Variants in METTL15 observed in about 807,000 individuals in gnomAD.
The protein encoded by METTL15 is methyltransferase 15, mitochondrial 12S rRNA N4-cytidine, also known as 12S rRNA N(4)-cytidine methyltransferase METTL15.
Under a neutral mutation model 38.3 loss-of-function variants are expected in METTL15, and 34 were observed. That is an observed-to-expected ratio of 0.89 (90% confidence interval 0.68 to 1.18). METTL15 has a LOEUF of 1.18. Among genes scored for constraint, METTL15 ranks in the 50% most tolerant of loss-of-function variants. The probability of loss-of-function intolerance (pLI) is 0.00; values close to 1 mark genes in which losing one functional copy is unlikely to be tolerated. For synonymous variants in METTL15, 162 were observed against 170.9 expected (o/e 0.95, Z 0.41); for missense variants, 438 against 498.4 (o/e 0.88, Z 1.15).
intron 6 of METTL15, among the ~76,000 whole-genome samples, chr11:28,426,016 ATGGTGGTTT>A (rs2133425057): frequency 6.6e-6 from 1 of 152,250 alleles, no homozygotes; most frequent in East Asian, 1.9e-4. Flanking sequence ...AATGTGTGCC[ATGGTGGTTT>A]GCTGCACAGT....
intron 5 of METTL15, among the ~76,000 whole-genome samples, chr11:28,388,576 G>C (rs1034024515): frequency 6.6e-6 from 1 of 152,070 alleles, no homozygotes; most frequent in African/African-American, 2.4e-5. Context: ...TAAATGTAAA[G>C]ACATTCTGTG....
intron 3 of METTL15, among the ~76,000 whole-genome samples, chr11:28,166,697 C>T (rs1034579105): frequency 4.6e-5 from 7 of 152,152 alleles, no homozygotes; most frequent in Non-Finnish European, 7.3e-5. Context: ...TGCCTGTAAC[C>T]TCAGCACTTT....
chr11:28,470,793 T>C (rs1271375541), intron 6 of METTL15, among the ~76,000 whole-genome samples: 1 of 152,168 alleles, frequency 6.6e-6, no homozygotes, highest in Non-Finnish European at 1.5e-5. Context: ...TTACTTGAGA[T>C]GGGACATGTT....
intron 3 of METTL15, among the ~76,000 whole-genome samples, chr11:28,201,730 T>C (rs1852124676): frequency 6.6e-6 from 1 of 152,012 alleles, no homozygotes; most frequent in Non-Finnish European, 1.5e-5. Context: ...CTATATGAGA[T>C]CAGAGACCAT....
At chr11:28,192,881 G>A (rs2133805366) in intron 3 of METTL15, among the ~76,000 whole-genome samples, 1 of 152,128 alleles carries the variant, frequency 6.6e-6, no homozygotes, top group South Asian at 2.1e-4. Context: ...AATTTTGATA[G>A]TTTGTGTTTT....
At chr11:28,449,413 A>G (rs1851101084) in intron 6 of METTL15, among the ~76,000 whole-genome samples, 1 of 152,180 alleles carries the variant, frequency 6.6e-6, no homozygotes, top group Non-Finnish European at 1.5e-5. Context: ...GCTTCATTTA[A>G]TTTTAATCTA....
intron 6 of METTL15, among the ~76,000 whole-genome samples, chr11:28,496,707 G>A (rs1318259986): frequency 6.6e-6 from 1 of 152,162 alleles, no homozygotes; most frequent in Non-Finnish European, 1.5e-5. Flanking sequence ...TAGACTCTAT[G>A]TGTGCCAGTA....
intron 3 of METTL15, among the ~76,000 whole-genome samples, chr11:28,127,370 T>A (rs916935134): frequency 2.1e-4 from 32 of 151,984 alleles, no homozygotes; most frequent in Admixed American, 8.5e-4. Flanking sequence ...TAAAAAAAAA[T>A]GGACATTTAT....
At chr11:28,393,689 C>G (rs1850536392) in intron 5 of METTL15, among the ~76,000 whole-genome samples, 1 of 151,974 alleles carries the variant, frequency 6.6e-6, no homozygotes, top group African/African-American at 2.4e-5. Context: ...AAGGCAGAAG[C>G]CATAATGCCT....
chr11:28,388,805 A>C (rs557583487), intron 5 of METTL15, among the ~76,000 whole-genome samples: 54 of 152,094 alleles, frequency 3.6e-4, no homozygotes, highest in African/African-American at 1.3e-3. Flanking sequence ...AACATTAGGT[A>C]TATCTCCTAA....
chr11:28,206,187 C>G (rs1852334165), intron 3 of METTL15, among the ~76,000 whole-genome samples: 1 of 151,418 alleles, frequency 6.6e-6, no homozygotes, highest in Admixed American at 6.6e-5. Flanking sequence ...TTAGCCATGC[C>G]TATGTCCTAA....
At chr11:28,404,769 A>C (rs780966629) in intron 5 of METTL15, among the ~76,000 whole-genome samples, 14 of 152,150 alleles carry the variant, frequency 9.2e-5, no homozygotes, top group Non-Finnish European at 1.8e-4. Flanking sequence ...GTAGATGAGC[A>C]AGGCCCCTGA....
At chr11:28,201,016 T>C (rs552017199) in intron 3 of METTL15, among the ~76,000 whole-genome samples, 2 of 152,166 alleles carry the variant, frequency 1.3e-5, no homozygotes, top group Non-Finnish European at 2.9e-5. Flanking sequence ...CTTCCAGCTT[T>C]TGCCCATTCA....
intron 3 of METTL15, among the ~76,000 whole-genome samples, chr11:28,157,020 T>G (rs1850287344): frequency 6.6e-6 from 1 of 152,222 alleles, no homozygotes; most frequent in South Asian, 2.1e-4. Context: ...CTCTTTATTT[T>G]TTTATTTGCA....
chr11:28,196,040 A>G (rs935264492), intron 3 of METTL15, among the ~76,000 whole-genome samples: 15 of 151,976 alleles, frequency 9.9e-5, no homozygotes, highest in African/African-American at 3.1e-4. Flanking sequence ...TGGGTTCTCT[A>G]TTCTGTTCCA....
chr11:28,431,880 A>G (rs986930044), intron 6 of METTL15, among the ~76,000 whole-genome samples: 4 of 151,852 alleles, frequency 2.6e-5, no homozygotes, highest in East Asian at 1.9e-4. Context: ...GGTGAAAACT[A>G]TACTCACACT....
At chr11:28,116,003 C>A (rs1330714516) in intron 3 of METTL15, among the ~76,000 whole-genome samples, 2 of 151,756 alleles carry the variant, frequency 1.3e-5, no homozygotes, top group Non-Finnish European at 2.9e-5. Flanking sequence ...GCACCACAAT[C>A]TCCTAAGCCA....
At position 28,248,858 on chromosome 11, in the gene METTL15, A is replaced by G. The variant is rs531516534; in HGVS notation, c.407+37660A>G. On this transcript the variant is annotated intron_variant, in intron 4 of 6. Coordinates refer to ENST00000407364, the MANE Select transcript of METTL15 (RefSeq NM_001113528.2). Reference sequence around the variant, plus strand: ...AAGGTTAAGTAACTTATCTTCCAACATGCCACTCTCCCACAAAACTCAATA... The same window carrying G: ...AAGGTTAAGTAACTTATCTTCCAACGTGCCACTCTCCCACAAAACTCAATA... Among the ~76,000 whole-genome samples the G allele has an allele frequency of 9.2e-5, 14 of 152,144 alleles. No individual in the cohort carries two copies. The South Asian group carries it at 2.3e-3, about 25-fold the overall frequency.
chr11:28,204,255 C>G (rs1208121661), intron 3 of METTL15, among the ~76,000 whole-genome samples: 2 of 151,850 alleles, frequency 1.3e-5, no homozygotes, highest in African/African-American at 4.8e-5. Flanking sequence ...TGATTCTGAA[C>G]CCCAATTATG....
Sources: gnomAD v4.1 joint callset for allele counts (sites outside exome capture counted in the v4.1 genomes callset) on GRCh38, gnomAD v4.1.1 for gene constraint, MANE v1.5 for transcripts, NCBI Gene and HGNC (gene_info 2026-07-23, HGNC 2026-07-21) for gene names.